The following TOM1 variants were observed in gnomAD, a reference collection of about 807,000 sequenced individuals.
TOM1 encodes target of Myb protein 1.
A neutral mutation model predicts 61.3 loss-of-function variants in TOM1; 38 were observed. The observed-to-expected ratio is 0.62, with a 90% CI of 0.48 to 0.81. The LOEUF (loss-of-function observed/expected upper bound fraction) is 0.81, where lower values mean the gene tolerates loss of function less well. Ranked by LOEUF, TOM1 falls within the 40% of genes least tolerant of loss-of-function variation. TOM1 has a pLI of 0.00. For missense variants in TOM1, 591 were observed against 659.6 expected (o/e 0.90, Z 1.14); for synonymous variants, 270 against 268.8 (o/e 1.00, Z -0.04).
intron 1 of TOM1, among the ~76,000 whole-genome samples, chr22:35,302,037 A>G (rs2145596737): frequency 6.6e-6 from 1 of 152,356 alleles, no homozygotes; most frequent in African/African-American, 2.4e-5. Flanking sequence ...TCTGGATTTC[A>G]GCTAATCAAA....
At chr22:35,327,005 C>G (rs989291837) in intron 6 of TOM1, among the ~76,000 whole-genome samples, 2 of 152,188 alleles carry the variant, frequency 1.3e-5, no homozygotes, top group Admixed American at 6.5e-5. Flanking sequence ...ATGCTGGAGT[C>G]TTCCAGCCAC....
At chr22:35,346,224 G>A (rs993233696) in intron 13 of TOM1, among the ~76,000 whole-genome samples, 9 of 152,230 alleles carry the variant, frequency 5.9e-5, no homozygotes, top group East Asian at 1.9e-4. Flanking sequence ...GGAGGAGGGC[G>A]GGTGCCAGTC....
intron 2 of TOM1, among the ~76,000 whole-genome samples, chr22:35,321,387 T>A (rs1022626007): frequency 2.6e-5 from 4 of 151,688 alleles, no homozygotes; most frequent in African/African-American, 9.7e-5. Context: ...AGGGTCTCAC[T>A]CTGTCGCCCA....
chr22:35,336,331 C>T (rs1404249307), intron 11 of TOM1, among the ~76,000 whole-genome samples: 1 of 152,204 alleles, frequency 6.6e-6, no homozygotes, highest in African/African-American at 2.4e-5. Context: ...GGTCACCTGA[C>T]TGGCCTTTTC....
chr22:35,299,781 C>T, upstream of TOM1: 1 of 879,070 alleles, frequency 1.1e-6, no homozygotes, highest in Non-Finnish European at 1.7e-6. Flanking sequence ...CCTGGCGTCT[C>T]AGGGCGGGGC....
chr22:35,334,339 AGCAGT>A lies in TOM1; in HGVS notation c.1041_1045del (p.Ser348GlufsTer16). ...TTCTGTCCCTGCAGACCTGGGCTCC[AGCAGT>A]GTGAGAGCTGGCCTGCAGTCTCTGG... is the stretch of plus-strand genomic sequence containing the variant. On this transcript the variant is annotated frameshift_variant, in exon 11 of 15. Transcript: ENST00000449058. LOFTEE classifies it high-confidence loss of function. 1.9e-6 allele frequency: 3 copies of A among 1,613,734 alleles called. No individual in the cohort carries two copies. Among genetic ancestry groups the A allele is most frequent in the Non-Finnish European group, 2.5e-6 (3 of 1,179,736 alleles).
intron 1 of TOM1, among the ~76,000 whole-genome samples, chr22:35,313,112 CA>C (rs1569021207): frequency 1.3e-5 from 2 of 152,020 alleles, no homozygotes; most frequent in Non-Finnish European, 2.9e-5. Context: ...TTTGGGAGGC[CA>C]AGGCGGGTGG....
intron 7 of TOM1, among the ~76,000 whole-genome samples, chr22:35,329,246 G>A (rs758149749): frequency 2.0e-5 from 3 of 152,176 alleles, no homozygotes; most frequent in South Asian, 2.1e-4. Context: ...ACGAGCCACC[G>A]GGTGTAGCCA....
chr22:35,325,513 T>C (rs545627421), intron 6 of TOM1, among the ~76,000 whole-genome samples: 31 of 152,334 alleles, frequency 2.0e-4, no homozygotes, highest in Admixed American at 3.9e-4. Flanking sequence ...TGGAGACAAG[T>C]TCTGTTTAGA....
intron 1 of TOM1, among the ~76,000 whole-genome samples, chr22:35,311,828 C>T (rs1272305187): frequency 6.6e-6 from 1 of 152,226 alleles, no homozygotes; most frequent in Non-Finnish European, 1.5e-5. Context: ...CACAGGCTGA[C>T]ACTTCTTCAC....
intron 13 of TOM1, 31 bp downstream of exon 13, chr22:35,345,815 G>A: frequency 6.2e-7 from 1 of 1,610,262 alleles, no homozygotes; most frequent in South Asian, 1.1e-5. Context: ...CACCCACACA[G>A]CAGGAGGACC....
In TOM1 at chr22:35,338,788, G is replaced by A. The variant is rs768151455; in HGVS notation, c.1224G>A (p.Ala408=). ...ALDARQQSTG[A]IPVTQACLME... Reference sequence around the variant, plus strand: ...ACGCCCGGCAGCAGAGCACTGGCGCGGTAAGCAGAGGGGCCATCCTGCCAC... The same window carrying A: ...ACGCCCGGCAGCAGAGCACTGGCGCAGTAAGCAGAGGGGCCATCCTGCCAC... The change falls in exon 12 of 15, where the codon GCG becomes GCA. Residue 408 remains alanine (A), a splice_region_variant and synonymous_variant. Coordinates refer to ENST00000449058, the MANE Select transcript of TOM1 (RefSeq NM_005488.3). 27 of 1,583,604 alleles carry A rather than the reference G, an allele frequency of 1.7e-5. No homozygotes were observed. The highest frequency in any genetic ancestry group is 1.1e-4 in the African/African-American group (8 of 74,144).
intron 7 of TOM1, among the ~76,000 whole-genome samples, chr22:35,329,322 A>G (rs1432723869): frequency 6.6e-6 from 1 of 152,236 alleles, no homozygotes; most frequent in African/African-American, 2.4e-5. Flanking sequence ...CGTGATAACT[A>G]AATGCAGTGT....
At chr22:35,315,548 A>G (rs1261362238) in intron 1 of TOM1, among the ~76,000 whole-genome samples, 1 of 152,178 alleles carries the variant, frequency 6.6e-6, no homozygotes, top group Non-Finnish European at 1.5e-5. Flanking sequence ...CACAGGATGG[A>G]CAACTCTGTC....
At chr22:35,325,579 T>TTAC (rs1340564172) in intron 6 of TOM1, among the ~76,000 whole-genome samples, 1 of 152,232 alleles carries the variant, frequency 6.6e-6, no homozygotes, top group Non-Finnish European at 1.5e-5. Context: ...TCAGTCAGGT[T>TTAC]TACTTCAGCC....
chr22:35,330,216 A>T, intron 7 of TOM1, 131 bp from the exon 8 acceptor site: 1 of 892,640 alleles, frequency 1.1e-6, no homozygotes, highest in Non-Finnish European at 1.7e-6. Flanking sequence ...CCCAGGACAC[A>T]GCTTGCAGTG....
chr22:35,332,085 AT>A (rs1184785958), intron 8 of TOM1, among the ~76,000 whole-genome samples: 1 of 152,048 alleles, frequency 6.6e-6, no homozygotes, highest in African/African-American at 2.4e-5. Flanking sequence ...CCCCTTGTTC[AT>A]TTTTTGTGTC....
intron 6 of TOM1, among the ~76,000 whole-genome samples, chr22:35,325,476 T>G (rs1385366701): frequency 1.6e-4 from 25 of 152,248 alleles, no homozygotes; most frequent in Admixed American, 1.6e-3. Context: ...TAATGTAACC[T>G]CATATACATT....
chr22:35,343,793 T>G (rs941338376), intron 12 of TOM1, among the ~76,000 whole-genome samples: 2 of 112,926 alleles, frequency 1.8e-5, no homozygotes, highest in Non-Finnish European at 3.6e-5. Flanking sequence ...ACCACACACC[T>G]ACACCTACCC....
Sources: allele counts gnomAD v4.1 joint callset (sites outside exome capture counted in the v4.1 genomes callset), GRCh38; gene constraint gnomAD v4.1.1; transcripts MANE v1.5; gene names NCBI Gene and HGNC (gene_info 2026-07-23, HGNC 2026-07-21).